ANXA11: variants seen among roughly 807,000 people sequenced by gnomAD.
ANXA11 encodes 56 kDa autoantigen.
In ANXA11, 57 loss-of-function variants were observed where a neutral mutation model predicts 64.7. The ratio of observed to expected loss-of-function variants is 0.88; its 90% CI spans 0.71 to 1.10. The LOEUF (loss-of-function observed/expected upper bound fraction) is 1.10. Among genes scored for constraint, ANXA11 ranks in the 50% least tolerant of loss-of-function variants. ANXA11 has a pLI of 0.00. For missense variants in ANXA11, 675 were observed against 670.7 expected (o/e 1.01, Z -0.07); for synonymous variants, 260 against 265.2 (o/e 0.98, Z 0.19).
At chr10:80,204,311 G>C (rs889743182) in intron 1 of ANXA11, among the ~76,000 whole-genome samples, 1 of 152,190 alleles carries the variant, frequency 6.6e-6, no homozygotes, top group Non-Finnish European at 1.5e-5. Context: ...TTAATCCCCT[G>C]GAATCCCCAA....
At position 80,166,875 on chromosome 10, in the gene ANXA11, C is replaced by G. The variant is rs558065522; in HGVS notation, c.744+15G>C. 47 of 1,592,902 alleles carry G rather than the reference C, an allele frequency of 3.0e-5. No homozygotes were observed. The South Asian group carries it at 4.2e-4, about 14-fold the overall frequency. ...GACACGCCTCACTGTCCCGCGCCCCCACCCCGCAGCTCGCCTTGCCGTAAG... is the reference window on the plus strand; with the variant it reads ...GACACGCCTCACTGTCCCGCGCCCCGACCCCGCAGCTCGCCTTGCCGTAAG... On this transcript the variant is annotated intron_variant, in intron 7 of 15. Transcript: ENST00000422982.
At chr10:80,190,375 G>A (rs1846719538) in intron 1 of ANXA11, among the ~76,000 whole-genome samples, 1 of 151,982 alleles carries the variant, frequency 6.6e-6, no homozygotes, top group Non-Finnish European at 1.5e-5. Context: ...AACTATTTGA[G>A]GTGATGGATA....
intron 1 of ANXA11, among the ~76,000 whole-genome samples, chr10:80,196,903 A>C (rs1564627688): frequency 6.6e-6 from 1 of 152,216 alleles, no homozygotes; most frequent in Non-Finnish European, 1.5e-5. Context: ...ACTCCAGACA[A>C]GGCAGGCTGG....
intron 1 of ANXA11, among the ~76,000 whole-genome samples, chr10:80,177,025 G>C (rs145577263): frequency 2.0e-5 from 3 of 150,078 alleles, no homozygotes; most frequent in African/African-American, 7.4e-5. Flanking sequence ...TGTCACCCAG[G>C]CTGCAGTGCA....
chr10:80,161,565 C>T (rs1425971954), intron 12 of ANXA11, among the ~76,000 whole-genome samples: 2 of 152,240 alleles, frequency 1.3e-5, no homozygotes, highest in African/African-American at 4.8e-5. Context: ...TGCGGGAGCG[C>T]GATTTACATC....
chr10:80,178,677 G>C (rs1373895915), intron 1 of ANXA11, among the ~76,000 whole-genome samples: 1 of 152,248 alleles, frequency 6.6e-6, no homozygotes, highest in Non-Finnish European at 1.5e-5. Context: ...CACCTCCAGA[G>C]TCTTTGAATC....
chr10:80,181,898 C>T (rs1472166537), intron 1 of ANXA11, among the ~76,000 whole-genome samples: 1 of 152,164 alleles, frequency 6.6e-6, no homozygotes, highest in East Asian at 1.9e-4. Flanking sequence ...CAAAACTAAA[C>T]ATAGTTTTAC....
At position 80,179,996 on chromosome 10, in the gene ANXA11, G is replaced by A. The variant is rs552554331; in HGVS notation, c.-57-3841C>T. Among the ~76,000 whole-genome samples the A allele has an allele frequency of 1.6e-4, 24 of 152,270 alleles. 1 individual carries two copies. The highest frequency in any genetic ancestry group is 3.3e-4 in the Admixed American group (5 of 15,288). ...CTGCATCAGAAGCCAGCCTCAAAGCGTCTGGTGAATGCCAAAAGCATAGAG... is the reference window on the plus strand; with the variant it reads ...CTGCATCAGAAGCCAGCCTCAAAGCATCTGGTGAATGCCAAAAGCATAGAG... On this transcript the variant is annotated intron_variant, in intron 1 of 15. Transcript: ENST00000422982.
chr10:80,180,064 T>G (rs1038378309), intron 1 of ANXA11, among the ~76,000 whole-genome samples: 2 of 152,200 alleles, frequency 1.3e-5, no homozygotes, highest in Non-Finnish European at 2.9e-5. Context: ...AAATGGCCTG[T>G]TCCCTAAAGC....
In ANXA11 at chr10:80,161,966, C is replaced by A. The variant is rs199963158; in HGVS notation, c.1149G>T (p.Leu383=). 6.2e-6 allele frequency: 10 copies of A among 1,612,630 alleles called. No homozygotes were observed. In the East Asian group the frequency reaches 2.2e-4, roughly 36 times the overall value. Residue 383 remains leucine (L), a synonymous_variant, in exon 12 of 16, where the codon CTG becomes CTT. Transcript: ENST00000422982. The part of the protein sequence containing the change: ...GTDESKFNAV[L]CSRSRAHLVA... Reference sequence around the variant, plus strand: ...CCAGGTGGGCCCGGCTCCGGGAGCACAGAACCGCATTGAACTTGGACTCGT... The same window carrying A: ...CCAGGTGGGCCCGGCTCCGGGAGCAAAGAACCGCATTGAACTTGGACTCGT...
At chr10:80,158,259 T>C (rs1479939470) in intron 13 of ANXA11, among the ~76,000 whole-genome samples, 1 of 151,996 alleles carries the variant, frequency 6.6e-6, no homozygotes, top group Non-Finnish European at 1.5e-5. Flanking sequence ...TGGCAACCAC[T>C]GCGGTGAAAG....
chr10:80,157,022 C>T lies in ANXA11; in HGVS notation c.1458+619G>A, dbSNP rs543674389. 439 of 985,382 alleles carry T rather than the reference C, an allele frequency of 4.5e-4. 6 individuals carry two copies. In the South Asian group the frequency reaches 0.017, roughly 39 times the overall value. 61.0% of individuals were successfully genotyped at this position (985,382 alleles called of 1,614,324 possible). ...TTGTCAGACTGGCTCTGCCACACAG[C>T]GATACAACTGTGGCTAGTGTTTAAT... On this transcript the variant is annotated intron_variant, in intron 15 of 15. Transcript: ENST00000422982.
chr10:80,168,919 GC>G, intron 5 of ANXA11, 49 bp downstream of exon 5: 10 of 1,458,294 alleles, frequency 6.9e-6, no homozygotes, highest in Non-Finnish European at 9.0e-6. Context: ...TGTGTCTCCA[GC>G]CTTTGGGGCC....
intron 1 of ANXA11, among the ~76,000 whole-genome samples, chr10:80,203,614 CCT>C (rs754963757): frequency 1.7e-4 from 26 of 152,156 alleles, no homozygotes; most frequent in Non-Finnish European, 3.4e-4. Context: ...CAGCCCCCAC[CCT>C]CCAGAGTCAG....
rs759659694 is a variant in ANXA11, at chr10:80,167,265, G to A, written c.610C>T (p.Arg204Ter). Residue 204 changes from arginine (R) to a stop codon, truncating the protein, a stop_gained, in exon 6 of 16, where the codon CGA becomes TGA. Transcript: ENST00000422982. LOFTEE classifies it high-confidence loss of function. ...GCCTTCCGCAGGACCTCGGCATCTC[G>A]CAGGGGGTCAAAGCCGGGAGCATCA... is the stretch of plus-strand genomic sequence containing the variant. ...ITDAPGFDPL[R>*]DAEVLRKAMK... 3.3e-5 allele frequency: 53 copies of A among 1,614,030 alleles called. No homozygotes were observed. Among genetic ancestry groups the A allele is most frequent in the Admixed American group, 1.5e-4 (9 of 60,000 alleles).
rs1156708555 is a variant in ANXA11, at chr10:80,169,374, G to A, written c.172-16C>T. The A allele has an allele frequency of 6.2e-7, 1 of 1,601,614 alleles. No individual in the cohort carries two copies. Among genetic ancestry groups the A allele is most frequent in the Non-Finnish European group, 8.5e-7 (1 of 1,179,578 alleles). On this transcript the variant is annotated splice_polypyrimidine_tract_variant and intron_variant, in intron 4 of 15. Transcript: ENST00000422982. ...TGTTGGCCGCCTGCAAGGACACAAA[G>A]CAGAGCCTGAGGCCAATGGGCCCTG... is the stretch of plus-strand genomic sequence containing the variant.
rs770398776 is a variant in ANXA11 at position 80,166,963 on chromosome 10, A to G, written c.671T>C (p.Ile224Thr). Residue 224 changes from isoleucine (I) to threonine (T), a missense_variant, in exon 7 of 16, where the codon ATT becomes ACT. Ile to Thr is a moderately conservative substitution (Grantham distance 89, BLOSUM62 -1). Coordinates refer to ENST00000422982, the MANE Select transcript of ANXA11 (RefSeq NM_145868.2). ...KGFGTDEQAI[I>T]DCLGSRSNKQ... Reference sequence around the variant, plus strand: ...GTTGGAGCGACTCCCCAGGCAGTCAATGATGGCCTGCTCATCCGTCCCTGG... The same window carrying G: ...GTTGGAGCGACTCCCCAGGCAGTCAGTGATGGCCTGCTCATCCGTCCCTGG... 16 of 1,604,680 alleles carry G rather than the reference A, an allele frequency of 1.0e-5. No homozygotes were observed. Among genetic ancestry groups the G allele is most frequent in the African/African-American group, 9.4e-5 (7 of 74,702 alleles).
In ANXA11 at chr10:80,162,041, GA is replaced by G; in HGVS notation, c.1087-14del. On this transcript the variant is annotated splice_polypyrimidine_tract_variant and intron_variant, in intron 11 of 15. Coordinates refer to ENST00000422982, the MANE Select transcript of ANXA11 (RefSeq NM_145868.2). The stretch of plus-strand genomic sequence containing the variant: ...CCGCATACAGCTCCTGGAGAGAGAG[GA>G]AGACGCACATGTGGCACAGGCCACA... The G allele has an allele frequency of 1.9e-6, 3 of 1,605,962 alleles. No individual in the cohort carries two copies. The highest frequency in any genetic ancestry group is 2.5e-6 in the Non-Finnish European group (3 of 1,177,112).
intron 1 of ANXA11, among the ~76,000 whole-genome samples, chr10:80,187,966 C>T (rs1274575456): frequency 6.6e-6 from 1 of 152,136 alleles, no homozygotes; most frequent in East Asian, 1.9e-4. Flanking sequence ...CTTGCAGCAG[C>T]TCTGCCGGAA....
Sources: allele counts gnomAD v4.1 joint callset (sites outside exome capture counted in the v4.1 genomes callset), GRCh38; gene constraint gnomAD v4.1.1; transcripts MANE v1.5; gene names NCBI Gene and HGNC (gene_info 2026-07-23, HGNC 2026-07-21).